Variants in KCTD1 observed in about 807,000 individuals in gnomAD.
KCTD1 encodes the protein BTB/POZ domain-containing protein KCTD1.
In KCTD1, 24 loss-of-function variants were observed where a neutral mutation model predicts 66.0. The observed-to-expected ratio is 0.36, with a 90% CI of 0.26 to 0.51. The LOEUF is 0.51. Among genes scored for constraint, KCTD1 ranks in the 20% least tolerant of loss-of-function variants. The pLI, the probability that KCTD1 is intolerant of heterozygous loss-of-function variation, is 0.95. For missense variants in KCTD1, 943 were observed against 1,205.2 expected (o/e 0.78, Z 3.22); for synonymous variants, 511 against 517.2 (o/e 0.99, Z 0.16).
chr18:26,651,043 A>G (rs538081152), intron 1 of KCTD1, among the ~76,000 whole-genome samples: 123 of 152,370 alleles, frequency 8.1e-4, no homozygotes, highest in African/African-American at 2.7e-3. Flanking sequence ...TTTGCTCAGC[A>G]AGAGATAGAG....
At chr18:26,605,548 GA>G (rs1462509219) in intron 1 of KCTD1, among the ~76,000 whole-genome samples, 2 of 151,870 alleles carry the variant, frequency 1.3e-5, no homozygotes, top group African/African-American at 4.8e-5. Flanking sequence ...ATTGCCTCCA[GA>G]AAAAATTTCC....
chr18:26,548,420 C>T lies in KCTD1; in HGVS notation c.117G>A (p.Gly39=), dbSNP rs765272407. 2 of 1,425,742 alleles carry T rather than the reference C, an allele frequency of 1.4e-6. No homozygotes were observed. The highest frequency in any genetic ancestry group is 2.6e-4 in the Middle Eastern group (1 of 3,920). The allele number at this position is 1,425,742 out of a possible 1,614,324, so 88.3% of individuals were successfully genotyped here. A position where few individuals can be genotyped will look rare whatever the true frequency, so the allele number is the denominator to read the frequency against. The change falls in exon 1 of 5, where the codon GGG becomes GGA. Residue 39 remains glycine, a synonymous_variant. Transcript: ENST00000580059. ...GACGGCTGTGGCGGCGGCCGCGGCCCCCCGCGCCGCGCTCGCCCTCGCCCC... is the reference window on the plus strand; with the variant it reads ...GACGGCTGTGGCGGCGGCCGCGGCCTCCCGCGCCGCGCTCGCCCTCGCCCC... The part of the protein sequence containing the change: ...GERGEGERGA[G]GRGRRHSRPH...
intron 1 of KCTD1, among the ~76,000 whole-genome samples, chr18:26,523,565 C>G (rs1271742635): frequency 6.6e-6 from 1 of 152,168 alleles, no homozygotes; most frequent in African/African-American, 2.4e-5. Context: ...GCAGAAGGAT[C>G]ACTTGAGCCC....
At chr18:26,606,184 C>T (rs918954369) in intron 1 of KCTD1, among the ~76,000 whole-genome samples, 1 of 152,168 alleles carries the variant, frequency 6.6e-6, no homozygotes, top group Non-Finnish European at 1.5e-5. Flanking sequence ...GTAGATTAAG[C>T]CTTCAGGTAG....
At chr18:26,639,027 G>C (rs1295887870) in intron 1 of KCTD1, among the ~76,000 whole-genome samples, 4 of 152,090 alleles carry the variant, frequency 2.6e-5, no homozygotes, top group African/African-American at 9.7e-5. Flanking sequence ...CTGCGGCCCA[G>C]CCTGGAGACT....
rs1981346521 is a variant in KCTD1, at chr18:26,476,378, T to C, written c.2133+137A>G. The C allele has an allele frequency of 2.7e-6, 2 of 732,456 alleles. No homozygotes were observed. The highest frequency in any genetic ancestry group is 4.1e-5 in the South Asian group (2 of 48,528). The allele number at this position is 732,456 out of a possible 1,614,324, so 45.4% of individuals were successfully genotyped here. The stretch of plus-strand genomic sequence containing the variant: ...ATGGCCATAACCACTATTTCATGAA[T>C]AGTGAACCATGTCAAAGAGAACTCT... On this transcript the variant is annotated intron_variant, in intron 3 of 4. Transcript: ENST00000580059. The surrounding 1 kb of genome is among the most constrained non-coding windows in gnomAD (Gnocchi z 4.9).
intron 1 of KCTD1, among the ~76,000 whole-genome samples, chr18:26,561,180 C>T (rs1222874524): frequency 6.8e-6 from 1 of 146,640 alleles, no homozygotes; most frequent in Non-Finnish European, 1.5e-5. Flanking sequence ...AAAAAAAAAA[C>T]TCTGACCTAA....
upstream of KCTD1, among the ~76,000 whole-genome samples, chr18:26,643,814 T>A (rs1231231524): frequency 3.3e-5 from 5 of 152,116 alleles, no homozygotes; most frequent in East Asian, 9.7e-4. Flanking sequence ...TACAAAAAAT[T>A]AGCCGGGCTT....
At chr18:26,549,139 A>C, upstream of KCTD1, 1 of 984,614 alleles carries the variant, frequency 1.0e-6, no homozygotes, top group Non-Finnish European at 1.2e-6. Flanking sequence ...AGGGTGGAGG[A>C]GGCACGGCGA....
At chr18:26,644,766 AAG>A (rs538078418), upstream of KCTD1, among the ~76,000 whole-genome samples, 41 of 149,994 alleles carry the variant, frequency 2.7e-4, no homozygotes, top group Admixed American at 8.0e-4. Flanking sequence ...AAAAAAAAAA[AAG>A]AGAGAGAGAG....
chr18:26,642,010 G>A (rs150343836), upstream of KCTD1, among the ~76,000 whole-genome samples: 53 of 152,196 alleles, frequency 3.5e-4, no homozygotes, highest in African/African-American at 1.2e-3. Context: ...ACTACATGCC[G>A]GGCACTATGC....
In KCTD1 at chr18:26,547,081, C is replaced by A. The variant is rs944527658; in HGVS notation, c.1456G>T (p.Gly486Trp). 1.9e-6 allele frequency: 3 copies of A among 1,540,180 alleles called. No individual in the cohort carries two copies. The highest frequency in any genetic ancestry group is 2.6e-6 in the Non-Finnish European group (3 of 1,143,738). ...PQGCYAEALN[G>W]AARHHSHHPP... is the part of the protein sequence containing the mutation. Reference sequence around the variant, plus strand: ...TGGTGGGAGTGGTGCCGTGCCGCCCCGTTCAGAGCCTCGGCGTAGCAGCCC... The same window carrying A: ...TGGTGGGAGTGGTGCCGTGCCGCCCAGTTCAGAGCCTCGGCGTAGCAGCCC... The change falls in exon 1 of 5, where the codon GGG becomes TGG. Residue 486 changes from glycine to tryptophan, a missense_variant. Around this residue, in one of 10 missense-constraint regions of KCTD1, gnomAD observed 197 missense variants for 182.7 expected, o/e 1.08. Coordinates refer to ENST00000580059, the MANE Select transcript of KCTD1 (RefSeq NM_001142730.3).
At chr18:26,643,308 A>G (rs1371198452), upstream of KCTD1, among the ~76,000 whole-genome samples, 1 of 152,170 alleles carries the variant, frequency 6.6e-6, no homozygotes, top group East Asian at 1.9e-4. Flanking sequence ...ACTCTTAATT[A>G]TGTCCCCAAA....
At chr18:26,473,776 T>C (rs1314777570) in intron 3 of KCTD1, among the ~76,000 whole-genome samples, 1 of 152,162 alleles carries the variant, frequency 6.6e-6, no homozygotes, top group Non-Finnish European at 1.5e-5. Flanking sequence ...GAACTGCCCT[T>C]GGCTGGGAGC....
intron 1 of KCTD1, among the ~76,000 whole-genome samples, chr18:26,526,251 G>A (rs1267472357): frequency 1.3e-5 from 2 of 152,220 alleles, no homozygotes; most frequent in East Asian, 1.9e-4. Context: ...CTGGAGATTT[G>A]GGGAGCAGCA....
chr18:26,589,772 C>T (rs1414538775), intron 1 of KCTD1, among the ~76,000 whole-genome samples: 1 of 152,130 alleles, frequency 6.6e-6, no homozygotes, highest in Non-Finnish European at 1.5e-5. Context: ...TGATTCCATC[C>T]CCTGCCAGAA....
chr18:26,480,106 C>A (rs551160472), intron 2 of KCTD1, among the ~76,000 whole-genome samples: 2 of 148,522 alleles, frequency 1.3e-5, no homozygotes, highest in Admixed American at 1.4e-4. Context: ...CTTTCTTCCA[C>A]CAATTTCTTT....
upstream of KCTD1, among the ~76,000 whole-genome samples, chr18:26,552,728 C>T (rs1985606176): frequency 6.6e-6 from 1 of 152,100 alleles, no homozygotes; most frequent in Non-Finnish European, 1.5e-5. Context: ...GAAGGCAGAT[C>T]TGGGGAATGG....
At chr18:26,546,326 T>G (rs931774666) in intron 1 of KCTD1, among the ~76,000 whole-genome samples, 1 of 152,150 alleles carries the variant, frequency 6.6e-6, no homozygotes, top group African/African-American at 2.4e-5. Context: ...GAATACGTAA[T>G]AGAGTCTTTT....
Sources: gnomAD v4.1 joint callset for allele counts (sites outside exome capture counted in the v4.1 genomes callset) on GRCh38, gnomAD v4.1.1 for gene constraint, gnomAD v4.1.1 regional missense constraint, Gnocchi (gnomAD v3.1) non-coding constraint, MANE v1.5 for transcripts, NCBI Gene and HGNC (gene_info 2026-07-23, HGNC 2026-07-21) for gene names.